Variants in R3HCC1L observed in about 807,000 individuals in gnomAD.
The protein encoded by R3HCC1L is coiled-coil domain-containing protein R3HCC1L.
R3HCC1L carries 51 observed loss-of-function variants against 59.9 expected under a neutral mutation model. The observed-to-expected ratio is 0.85, with a 90% CI of 0.68 to 1.07. The LOEUF (loss-of-function observed/expected upper bound fraction) is 1.07. Ranked by LOEUF, R3HCC1L falls within the 50% of genes least tolerant of loss-of-function variation. The probability of loss-of-function intolerance (pLI) is 0.00; values close to 1 mark genes in which losing one functional copy is unlikely to be tolerated. For synonymous variants in R3HCC1L, 322 were observed against 315.2 expected (o/e 1.02, Z -0.23); for missense variants, 965 against 933.0 (o/e 1.03, Z -0.45).
At chr10:98,178,013 C>G (rs1849218596) in intron 4 of R3HCC1L, among the ~76,000 whole-genome samples, 1 of 152,126 alleles carries the variant, frequency 6.6e-6, no homozygotes, top group Non-Finnish European at 1.5e-5. Context: ...GTTGCCTGTT[C>G]ACTCTGATGG....
At chr10:98,184,383 A>G (rs1290072957) in intron 4 of R3HCC1L, among the ~76,000 whole-genome samples, 2 of 152,188 alleles carry the variant, frequency 1.3e-5, no homozygotes, top group African/African-American at 4.8e-5. Context: ...GTACCTTTCT[A>G]TGTTTAGATA....
At chr10:98,193,717 C>T (rs2134916723) in intron 4 of R3HCC1L, among the ~76,000 whole-genome samples, 1 of 152,256 alleles carries the variant, frequency 6.6e-6, no homozygotes, top group South Asian at 2.1e-4. Context: ...CAGAATGCTT[C>T]AATGAGCATT....
intron 4 of R3HCC1L, among the ~76,000 whole-genome samples, chr10:98,193,444 A>G (rs568637338): frequency 2.0e-5 from 3 of 152,124 alleles, no homozygotes; most frequent in Non-Finnish European, 2.9e-5. Flanking sequence ...TACAAAATCA[A>G]CTCTCCAAAA....
At chr10:98,202,313 A>T (rs1852138294) in intron 4 of R3HCC1L, among the ~76,000 whole-genome samples, 1 of 152,152 alleles carries the variant, frequency 6.6e-6, no homozygotes, top group Non-Finnish European at 1.5e-5. Flanking sequence ...GTGCTACCCC[A>T]CACACCGCTT....
rs141033307 is a variant in R3HCC1L at position 98,244,464 on chromosome 10, TC to T, written c.*308del. The T allele has an allele frequency of 5.8e-3, 1,505 of 259,938 alleles. 28 individuals carry two copies. Among genetic ancestry groups the T allele is most frequent in the African/African-American group, 0.031 (1,423 of 45,732 alleles). The allele number at this position is 259,938 out of a possible 1,614,324, so 16.1% of individuals were successfully genotyped here. A position where few individuals can be genotyped will look rare whatever the true frequency, so the allele number is the denominator to read the frequency against. On this transcript the variant is annotated 3_prime_UTR_variant, in exon 10 of 10. Coordinates refer to ENST00000298999, the MANE Select transcript of R3HCC1L (RefSeq NM_001351015.2). ...AAGTCATGTTAGCGTGGGTCACACT[TC>T]CAAGATATTTAAAGCAAATACAAAA...
chr10:98,186,244 G>A (rs1417447169), intron 4 of R3HCC1L, among the ~76,000 whole-genome samples: 1 of 152,112 alleles, frequency 6.6e-6, no homozygotes, highest in Non-Finnish European at 1.5e-5. Context: ...TGTAAGTCAT[G>A]GTAAATGAAC....
intron 4 of R3HCC1L, among the ~76,000 whole-genome samples, chr10:98,202,258 C>G (rs1325297998): frequency 6.6e-6 from 1 of 152,108 alleles, no homozygotes; most frequent in Non-Finnish European, 1.5e-5. Context: ...ATTTAGGATG[C>G]TACCTGGTTT....
In R3HCC1L at chr10:98,183,958, G is replaced by GTTTTTTTTT. The variant is rs71007380; in HGVS notation, c.-15+20568_-15+20576dup. Among the ~76,000 whole-genome samples, 1,002 of 126,152 alleles carry GTTTTTTTTT rather than the reference G, an allele frequency of 7.9e-3. 20 individuals are homozygous for GTTTTTTTTT. Among genetic ancestry groups the GTTTTTTTTT allele is most frequent in the Non-Finnish European group, 0.012 (755 of 60,654 alleles). 82.8% of individuals were successfully genotyped at this position (126,152 alleles called of 152,430 possible). On this transcript the variant is annotated intron_variant, in intron 4 of 9. Transcript: ENST00000298999. ...TTTTTTTTTCTTTGCTCCTTTTTCG[G>GTTTTTTTTT]TTTTTTTTTTTTTTTGGTTGAAATC... is the stretch of plus-strand genomic sequence containing the variant.
In R3HCC1L at chr10:98,231,540, G is replaced by T. The variant is rs1469465682; in HGVS notation, c.1814G>T (p.Ser605Ile). The T allele has an allele frequency of 6.2e-7, 1 of 1,612,826 alleles. No homozygotes were observed. Among genetic ancestry groups the T allele is most frequent in the Non-Finnish European group, 8.5e-7 (1 of 1,179,628 alleles). ...TCAGGGAATACCAAGAGCAGAGAGA[G>T]CATCCAGGAACCTAGATCTGATTAC... is the stretch of plus-strand genomic sequence containing the variant. ...ELSGNTKSRE[S>I]IQEPRSDYYN... The change falls in exon 6 of 10, where the codon AGC becomes ATC. Residue 605 changes from serine (S) to isoleucine (I), a missense_variant. Ser to Ile is a moderately radical substitution (Grantham distance 142, BLOSUM62 -2). Coordinates refer to ENST00000298999, the MANE Select transcript of R3HCC1L (RefSeq NM_001351015.2).
intron 4 of R3HCC1L, chr10:98,174,500 G>A (rs769303707): frequency 6.7e-4 from 537 of 806,082 alleles, no homozygotes; most frequent in Non-Finnish European, 7.2e-4. Flanking sequence ...AACTTGTAGA[G>A]TGTGAGATGG....
intron 4 of R3HCC1L, among the ~76,000 whole-genome samples, chr10:98,180,920 C>T (rs142086514): frequency 0.022 from 3,332 of 152,212 alleles, 117 homozygotes; most frequent in African/African-American, 0.075. Flanking sequence ...TCCTCAATCC[C>T]TTTATTTTAA....
In R3HCC1L at chr10:98,209,566, C is replaced by T. The variant is rs187795607; in HGVS notation, c.1452C>T (p.Asn484=). 52 of 1,613,944 alleles carry T rather than the reference C, an allele frequency of 3.2e-5. No homozygotes were observed. The Admixed American group carries it at 8.5e-4, about 26-fold the overall frequency. Residue 484 remains asparagine (N), a synonymous_variant, in exon 5 of 10, where the codon AAC becomes AAT. Transcript: ENST00000298999. ...PIKKIAGSNY[N]TFLDSELSML... ...AAAAGATTGCTGGTAGTAATTATAA[C>T]ACTTTTTTGGACTCTGAACTCAGTA...
In R3HCC1L at chr10:98,236,026, T is replaced by A. The variant is rs1856905582; in HGVS notation, c.2131T>A (p.Phe711Ile). Residue 711 changes from phenylalanine (F) to isoleucine (I), a missense_variant and splice_region_variant, in exon 9 of 10, where the codon TTC (phenylalanine) becomes ATC (isoleucine). Phe to Ile is a conservative substitution (Grantham distance 21). Coordinates refer to ENST00000298999, the MANE Select transcript of R3HCC1L (RefSeq NM_001351015.2). ...AKAKARAYAE[F>I]LQPAKERPET... ...CTCCCTTCCTTTCTTCGATTCAGAG[T>A]TCCTCCAGCCAGCAAAGGAGCGTCC... 2 of 1,613,062 alleles carry A rather than the reference T, an allele frequency of 1.2e-6. No homozygotes were observed. The highest frequency in any genetic ancestry group is 8.5e-7 in the Non-Finnish European group (1 of 1,179,284).
Position 98,209,072 on chromosome 10 carries a change from A to C in R3HCC1L, c.958A>C (p.Ser320Arg), listed in dbSNP as rs1853167032. The C allele has an allele frequency of 6.2e-7, 1 of 1,613,852 alleles. No individual in the cohort carries two copies. The highest frequency in any genetic ancestry group is 1.7e-5 in the Admixed American group (1 of 60,000). The change falls in exon 5 of 10, where the codon AGC (serine) becomes CGC (arginine). Residue 320 changes from serine to arginine, a missense_variant. Ser to Arg is a moderately radical substitution (Grantham distance 110, BLOSUM62 -1). Transcript: ENST00000298999. ...TATGGGTCACATCTCTCTGTCAGAG[A>C]GCACAAATGACACTGTTAGTCCAGT... ...ATMGHISLSESTNDTVSPVMI... is the reference protein window; with the variant it reads ...ATMGHISLSERTNDTVSPVMI...
Position 98,209,048 on chromosome 10 carries a change from A to G in R3HCC1L, c.934A>G (p.Met312Val). Reference protein sequence around the residue: ...QKDTDSIPATMGHISLSESTN... With the variant: ...QKDTDSIPATVGHISLSESTN... ...AGATACAGATTCCATTCCTGCAACT[A>G]TGGGTCACATCTCTCTGTCAGAGAG... The change falls in exon 5 of 10, where the codon ATG (methionine) becomes GTG (valine). Residue 312 changes from methionine to valine, a missense_variant. Met to Val is a conservative substitution (Grantham distance 21). Transcript: ENST00000298999. 3.1e-6 allele frequency: 5 copies of G among 1,613,540 alleles called. No individual in the cohort carries two copies. The highest frequency in any genetic ancestry group is 2.2e-5 in the East Asian group (1 of 44,866).
intron 4 of R3HCC1L, among the ~76,000 whole-genome samples, chr10:98,198,776 G>T (rs929554975): frequency 6.6e-6 from 1 of 152,108 alleles, no homozygotes; most frequent in Admixed American, 6.5e-5. Context: ...TTCCCATGCT[G>T]CTGAAGCCAA....
chr10:98,204,885 T>C (rs1366971949), intron 4 of R3HCC1L, among the ~76,000 whole-genome samples: 1 of 152,126 alleles, frequency 6.6e-6, no homozygotes, highest in Non-Finnish European at 1.5e-5. Flanking sequence ...CAGGCATCCA[T>C]TGGGGATCTT....
intron 4 of R3HCC1L, among the ~76,000 whole-genome samples, chr10:98,192,670 G>A (rs1461806843): frequency 6.6e-6 from 1 of 152,100 alleles, no homozygotes; most frequent in African/African-American, 2.4e-5. Flanking sequence ...GCAAAGAAAA[G>A]CCCAGGACCA....
At chr10:98,152,646 C>A (rs1232243206) in intron 1 of R3HCC1L, among the ~76,000 whole-genome samples, 2 of 125,620 alleles carry the variant, frequency 1.6e-5, no homozygotes, top group African/African-American at 2.6e-5. Context: ...CCCGCCACCC[C>A]GTCTGGGATG....
Sources: gnomAD v4.1 joint callset for allele counts (sites outside exome capture counted in the v4.1 genomes callset) on GRCh38, gnomAD v4.1.1 for gene constraint, MANE v1.5 for transcripts, NCBI Gene and HGNC (gene_info 2026-07-23, HGNC 2026-07-21) for gene names.